Variants in LARP1 observed in about 807,000 individuals in gnomAD.
The protein encoded by LARP1 is la-related protein 1.
In LARP1, 36 loss-of-function variants were observed where a neutral mutation model predicts 122.7. The ratio of observed to expected loss-of-function variants is 0.29; its 90% CI spans 0.22 to 0.39. The LOEUF is 0.39. LARP1 is among the 10% of genes least tolerant of loss of function. LARP1 has a pLI of 1.00. For synonymous variants in LARP1, 539 were observed against 528.7 expected, an observed-to-expected ratio of 1.02 and a Z score of -0.27; for missense variants, 1,040 against 1,403.6, an observed-to-expected ratio of 0.74 and a Z score of 4.14.
chr5:154,769,355 G>C (rs1372818221), intron 1 of LARP1, among the ~76,000 whole-genome samples: 1 of 152,160 alleles, frequency 6.6e-6, no homozygotes, highest in East Asian at 1.9e-4. Flanking sequence ...TCCAACATGA[G>C]GTCTATGGGC....
intron 7 of LARP1, 73 bp downstream of exon 7, chr5:154,794,335 G>A: frequency 1.3e-6 from 2 of 1,486,544 alleles, no homozygotes; most frequent in Middle Eastern, 1.8e-4. Context: ...GTCATAGCTG[G>A]GCAGGCCCTT....
intron 1 of LARP1, among the ~76,000 whole-genome samples, chr5:154,779,097 G>A (rs1756172651): frequency 6.6e-6 from 1 of 152,104 alleles, no homozygotes; most frequent in South Asian, 2.1e-4. Context: ...TAATTACCAT[G>A]CATTTATGGT....
chr5:154,781,711 G>A (rs1327280411), intron 1 of LARP1, among the ~76,000 whole-genome samples: 2 of 152,230 alleles, frequency 1.3e-5, no homozygotes, highest in Admixed American at 1.3e-4. Flanking sequence ...AATGCGTCCT[G>A]ACACAAATTT....
intron 1 of LARP1, among the ~76,000 whole-genome samples, chr5:154,789,535 C>T (rs1377011391): frequency 2.0e-5 from 3 of 152,174 alleles, no homozygotes; most frequent in Admixed American, 6.5e-5. Context: ...ACAAAGTTTT[C>T]ATTTATTGTG....
chr5:154,747,055 G>A (rs1286472551), intron 1 of LARP1, among the ~76,000 whole-genome samples: 4 of 152,242 alleles, frequency 2.6e-5, no homozygotes, highest in South Asian at 4.1e-4. Flanking sequence ...GCTTGAACCC[G>A]GGAGGCGGAG....
chr5:154,698,579 A>G (rs924059217), intron 1 of LARP1, among the ~76,000 whole-genome samples: 7 of 152,200 alleles, frequency 4.6e-5, no homozygotes, highest in African/African-American at 1.7e-4. Context: ...CCTGGGCGAC[A>G]AGAGCGAGGC....
intron 1 of LARP1, among the ~76,000 whole-genome samples, chr5:154,774,088 C>A (rs1279258272): frequency 6.6e-6 from 1 of 151,010 alleles, no homozygotes; most frequent in African/African-American, 2.4e-5. Flanking sequence ...TAAACCGGTG[C>A]CTCAGTTTTT....
intron 1 of LARP1, among the ~76,000 whole-genome samples, chr5:154,778,662 G>A (rs574959862): frequency 6.6e-6 from 1 of 152,216 alleles, no homozygotes; most frequent in Admixed American, 6.5e-5. Context: ...TCTGAATAGA[G>A]AGACTGAAGA....
intron 18 of LARP1, among the ~76,000 whole-genome samples, chr5:154,812,664 T>G (rs1043220885): frequency 2.6e-5 from 4 of 151,752 alleles, no homozygotes; most frequent in Admixed American, 6.6e-5. Context: ...AGATTATAGG[T>G]GCGCACCACC....
At position 154,795,943 on chromosome 5, in the gene LARP1, T is replaced by G. The variant is rs1352686961; in HGVS notation, c.1377+624T>G. On this transcript the variant is annotated intron_variant, in intron 8 of 18. Transcript: ENST00000518297. ...ATATTTATATTTATATATTATATAT[T>G]TATATATTATATATATTTTTATACA... is the stretch of plus-strand genomic sequence containing the variant. Among the ~76,000 whole-genome samples, 17 of 115,942 alleles carry G rather than the reference T, an allele frequency of 1.5e-4. No homozygotes were observed. In the Admixed American group the frequency reaches 1.8e-3, roughly 13 times the overall value. 76.1% of individuals were successfully genotyped at this position (115,942 alleles called of 152,430 possible).
intron 1 of LARP1, among the ~76,000 whole-genome samples, chr5:154,734,820 TC>T (rs1756785690): frequency 6.6e-6 from 1 of 152,126 alleles, no homozygotes; most frequent in African/African-American, 2.4e-5. Context: ...AAAAACAACT[TC>T]CCTTTTCCCG....
chr5:154,695,663 AAG>A (rs1488400918), intron 1 of LARP1, among the ~76,000 whole-genome samples: 1 of 152,002 alleles, frequency 6.6e-6, no homozygotes, highest in African/African-American at 2.4e-5. Context: ...TCTCAAAAAA[AAG>A]AGTTATAGAC....
intron 1 of LARP1, among the ~76,000 whole-genome samples, chr5:154,731,992 A>G (rs1756599272): frequency 6.6e-6 from 1 of 150,998 alleles, no homozygotes; most frequent in East Asian, 2.0e-4. Context: ...ACTGCACTGC[A>G]GCCTGGTAAC....
Position 154,802,762 on chromosome 5 carries a change from G to T in LARP1, c.2109+363G>T, listed in dbSNP as rs1758450126. On this transcript the variant is annotated intron_variant, in intron 11 of 18. Transcript: ENST00000518297. This position sits in a 1 kb window ranked among gnomAD's most constrained non-coding sequence, Gnocchi z 5.1. Reference sequence around the variant, plus strand: ...AATTTAGAAGCCTTTTAAGAAGCTTGTGTTGAGTATGGAAAATGGAGAAAA... The same window carrying T: ...AATTTAGAAGCCTTTTAAGAAGCTTTTGTTGAGTATGGAAAATGGAGAAAA... 6.6e-6 allele frequency among the ~76,000 whole-genome samples: 1 copy of T among 152,224 alleles called. No homozygotes were observed. The highest frequency in any genetic ancestry group is 2.1e-4 in the South Asian group (1 of 4,826).
At chr5:154,775,029 C>T (rs944619358) in intron 1 of LARP1, among the ~76,000 whole-genome samples, 3 of 152,112 alleles carry the variant, frequency 2.0e-5, no homozygotes, top group Non-Finnish European at 4.4e-5. Context: ...AGGACTAGGG[C>T]TGGATATAGT....
chr5:154,733,777 G>A (rs1756721432), intron 1 of LARP1, among the ~76,000 whole-genome samples: 1 of 152,060 alleles, frequency 6.6e-6, no homozygotes, highest in South Asian at 2.1e-4. Flanking sequence ...TGGCCAGGCT[G>A]GTGAGGAACT....
chr5:154,769,362 G>T (rs995256493), intron 1 of LARP1, among the ~76,000 whole-genome samples: 1 of 152,182 alleles, frequency 6.6e-6, no homozygotes, highest in African/African-American at 2.4e-5. Context: ...TGAGGTCTAT[G>T]GGCCCAGACT....
chr5:154,708,786 T>C (rs1323187952), upstream of LARP1, among the ~76,000 whole-genome samples: 1 of 152,240 alleles, frequency 6.6e-6, no homozygotes, highest in South Asian at 2.1e-4. Flanking sequence ...TAATTTTGTA[T>C]TTTTAATAGA....
intron 1 of LARP1, among the ~76,000 whole-genome samples, chr5:154,739,191 A>AT (rs570973567): frequency 0.078 from 11,615 of 148,656 alleles, 485 homozygotes; most frequent in Admixed American, 0.15. Flanking sequence ...AATTTTTTGT[A>AT]TTTTTTTTTT....
Sources: allele counts gnomAD v4.1 joint callset (sites outside exome capture counted in the v4.1 genomes callset), GRCh38; gene constraint gnomAD v4.1.1; non-coding constraint Gnocchi (gnomAD v3.1); transcripts MANE v1.5; gene names NCBI Gene and HGNC (gene_info 2026-07-23, HGNC 2026-07-21).